The following CA5A variants were observed in gnomAD, a reference collection of about 807,000 sequenced individuals.
The protein encoded by CA5A is carbonic anhydrase 5A.
In CA5A, 28 loss-of-function variants were observed where a neutral mutation model predicts 37.1. The observed-to-expected ratio is 0.75, with a 90% CI of 0.56 to 1.03. The LOEUF (loss-of-function observed/expected upper bound fraction) is 1.03, where lower values mean the gene tolerates loss of function less well. Among genes scored for constraint, CA5A ranks in the 50% least tolerant of loss-of-function variants. CA5A has a pLI of 0.00. For synonymous variants in CA5A, 171 were observed against 158.4 expected, an observed-to-expected ratio of 1.08 and a Z score of -0.60; for missense variants, 444 against 399.9, an observed-to-expected ratio of 1.11 and a Z score of -0.94.
intron 2 of CA5A, among the ~76,000 whole-genome samples, chr16:87,909,394 T>A (rs1231124836): frequency 6.6e-6 from 1 of 152,192 alleles, no homozygotes; most frequent in Non-Finnish European, 1.5e-5. Flanking sequence ...ACTGGGTCTC[T>A]CTGGCTCTAT....
intron 1 of CA5A, among the ~76,000 whole-genome samples, chr16:87,934,983 TG>T (rs2056452221): frequency 6.6e-6 from 1 of 152,198 alleles, no homozygotes; most frequent in Non-Finnish European, 1.5e-5. Flanking sequence ...ACTCAGAGTC[TG>T]GGGTGGGCCA....
chr16:87,914,765 G>T (rs2056108562), intron 2 of CA5A, among the ~76,000 whole-genome samples: 2 of 152,192 alleles, frequency 1.3e-5, no homozygotes, highest in South Asian at 2.1e-4. Flanking sequence ...CTCAGCTGGC[G>T]GCTGGGCTTG....
intron 2 of CA5A, among the ~76,000 whole-genome samples, chr16:87,925,948 C>T (rs968703274): frequency 1.6e-4 from 25 of 152,306 alleles, no homozygotes; most frequent in African/African-American, 5.8e-4. Context: ...GAGGGCCGGG[C>T]GCGGTGGCTC....
chr16:87,933,550 ATT>A (rs113398551), intron 1 of CA5A, among the ~76,000 whole-genome samples: 4 of 141,112 alleles, frequency 2.8e-5, no homozygotes, highest in Non-Finnish European at 4.7e-5. Context: ...TAATTTTTTA[ATT>A]TTTTTTTTTT....
intron 4 of CA5A, chr16:87,882,641 G>A (rs1432466441): frequency 2.0e-5 from 3 of 152,368 alleles, no homozygotes; most frequent in Admixed American, 6.5e-5. Flanking sequence ...GACCCACAGC[G>A]GGGCTGGAGC....
intron 1 of CA5A, among the ~76,000 whole-genome samples, chr16:87,934,250 C>T (rs2056442930): frequency 6.6e-6 from 1 of 152,226 alleles, no homozygotes; most frequent in African/African-American, 2.4e-5. Flanking sequence ...ACGACAAAAC[C>T]AAGGCTGGGG....
chr16:87,892,689 T>C (rs1452836031), intron 5 of CA5A, among the ~76,000 whole-genome samples: 3 of 134,796 alleles, frequency 2.2e-5, no homozygotes, highest in Non-Finnish European at 4.8e-5. Flanking sequence ...TTTTTTTTTT[T>C]CGAGATGGAG....
rs2056058140 is a variant in CA5A at position 87,911,932 on chromosome 16, C to T, written c.341-7028G>A. ...GCTTACAAAGTACCTCCCTCACAGTCCCTGGCACGCAGTGAGAGCTCAAAT... is the reference window on the plus strand; with the variant it reads ...GCTTACAAAGTACCTCCCTCACAGTTCCTGGCACGCAGTGAGAGCTCAAAT... On this transcript the variant is annotated intron_variant, in intron 2 of 6. Transcript: ENST00000649794. The surrounding 1 kb of genome is among the most constrained non-coding windows in gnomAD (Gnocchi z 4.6). Among the ~76,000 whole-genome samples the T allele has an allele frequency of 6.6e-6, 1 of 152,172 alleles. No homozygotes were observed. Among genetic ancestry groups the T allele is most frequent in the South Asian group, 2.1e-4 (1 of 4,830 alleles).
At chr16:87,928,756 C>CTTTT (rs2056351904) in intron 1 of CA5A, among the ~76,000 whole-genome samples, 39 of 108,134 alleles carry the variant, frequency 3.6e-4, no homozygotes, top group African/African-American at 1.3e-3. Context: ...ATTTTCTTTT[C>CTTTT]TTTGTTTTTT....
At chr16:87,917,052 C>G (rs2056154849) in intron 2 of CA5A, among the ~76,000 whole-genome samples, 1 of 149,248 alleles carries the variant, frequency 6.7e-6, no homozygotes, top group African/African-American at 2.5e-5. Context: ...TTGCAGTGAG[C>G]CAAGACAGCT....
chr16:87,899,819 T>TCGAGGC (rs2055852201), intron 5 of CA5A, among the ~76,000 whole-genome samples: 2 of 143,604 alleles, frequency 1.4e-5, no homozygotes, highest in African/African-American at 2.6e-5. Context: ...ACTCATGAGG[T>TCGAGGC]TGAGGCAGGA....
chr16:87,932,532 G>C (rs544226948), intron 1 of CA5A, among the ~76,000 whole-genome samples: 1 of 152,330 alleles, frequency 6.6e-6, no homozygotes, highest in Admixed American at 6.5e-5. Flanking sequence ...CCACACAGCC[G>C]ACCCTGGTGC....
At chr16:87,931,821 C>A (rs2056409770) in intron 1 of CA5A, among the ~76,000 whole-genome samples, 1 of 152,244 alleles carries the variant, frequency 6.6e-6, no homozygotes, top group East Asian at 1.9e-4. Flanking sequence ...ACGCGATAGA[C>A]AACTATGGAC....
At chr16:87,881,711 G>GC (rs113707680) in exon 5 of CA5A, 5,132 of 152,036 alleles carry the variant, frequency 0.034, 140 homozygotes, top group African/African-American at 0.071. Context: ...ACCGGCCGCT[G>GC]CCCCTGGGGC....
At chr16:87,929,856 A>G (rs2056374640) in intron 1 of CA5A, among the ~76,000 whole-genome samples, 1 of 130,756 alleles carries the variant, frequency 7.6e-6, no homozygotes, top group Non-Finnish European at 1.6e-5. Context: ...TGGGCAATAC[A>G]GCGAGACTCC....
chr16:87,895,526 C>T (rs544707219), intron 5 of CA5A, among the ~76,000 whole-genome samples: 7 of 152,206 alleles, frequency 4.6e-5, no homozygotes, highest in African/African-American at 1.4e-4. Context: ...GCCTGGGCAA[C>T]AAGAGTGAAA....
intron 2 of CA5A, among the ~76,000 whole-genome samples, chr16:87,921,641 G>A (rs1289499165): frequency 1.3e-5 from 2 of 152,130 alleles, no homozygotes; most frequent in Non-Finnish European, 2.9e-5. Flanking sequence ...AATGGGAGTC[G>A]GGGATGGGCT....
intron 1 of CA5A, among the ~76,000 whole-genome samples, chr16:87,931,363 C>T (rs1035369471): frequency 4.6e-5 from 7 of 152,218 alleles, no homozygotes; most frequent in Admixed American, 2.0e-4. Flanking sequence ...CCACCTGCCT[C>T]GGCCTCCCAA....
intron 5 of CA5A, chr16:87,892,369 A>T (rs2055730069): frequency 1.3e-5 from 2 of 152,094 alleles, no homozygotes; most frequent in Non-Finnish European, 1.5e-5. Flanking sequence ...AATTATCCAG[A>T]TGTGGTGGTG....
Sources: gnomAD v4.1 joint callset for allele counts (sites outside exome capture counted in the v4.1 genomes callset) on GRCh38, gnomAD v4.1.1 for gene constraint, Gnocchi (gnomAD v3.1) non-coding constraint, MANE v1.5 for transcripts, NCBI Gene and HGNC (gene_info 2026-07-23, HGNC 2026-07-21) for gene names.